Variants in MEAK7 observed in about 807,000 individuals in gnomAD.
The protein encoded by MEAK7 is MTOR associated protein MEAK7.
MEAK7 carries 68 observed loss-of-function variants against 40.5 expected under a neutral mutation model. That is an observed-to-expected ratio of 1.68 (90% CI 1.38 to 2.06). The LOEUF (loss-of-function observed/expected upper bound fraction) is 2.06, where lower values mean the gene tolerates loss of function less well. Ranked by LOEUF, MEAK7 falls within the 30% of genes most tolerant of loss-of-function variation. The pLI is 0.00. For missense variants in MEAK7, 918 were observed against 580.5 expected, an observed-to-expected ratio of 1.58 and a Z score of -5.98; for synonymous variants, 338 against 231.9, an observed-to-expected ratio of 1.46 and a Z score of -4.16.
chr16:84,497,782 A>G, intron 2 of MEAK7, 152 bp downstream of exon 2: 2 of 1,315,772 alleles, frequency 1.5e-6, no homozygotes, highest in Non-Finnish European at 2.1e-6. Flanking sequence ...CAAAGCCAAA[A>G]CTAGGTCACA....
At position 84,489,404 on chromosome 16, in the gene MEAK7, C is replaced by A; in HGVS notation, c.403G>T (p.Gly135Cys). ...EVQKFTEDLV[G>C]SVVHVLSHRQ... is the part of the protein sequence containing the mutation. ...TGGCTTAGCACGTGCACCACAGAGC[C>A]AACCAGATCCTCTGTAAACTGTAAG... Residue 135 changes from glycine (G) to cysteine (C), a missense_variant, in exon 4 of 8, where the codon GGC becomes TGC. Transcript: ENST00000343629. 1 of 1,612,272 alleles carries A rather than the reference C, an allele frequency of 6.2e-7. No homozygotes were observed. The highest frequency in any genetic ancestry group is 8.5e-7 in the Non-Finnish European group (1 of 1,179,104).
rs187392742 is a variant in MEAK7 at position 84,489,983 on chromosome 16, T to G, written c.385-561A>C. ...AGCCTGGGCCCCACTCCTAGGAAAGTAGATGAATTGGGGTTTTGTCTTAAA... is the reference window on the plus strand; with the variant it reads ...AGCCTGGGCCCCACTCCTAGGAAAGGAGATGAATTGGGGTTTTGTCTTAAA... On this transcript the variant is annotated intron_variant, in intron 3 of 7. Transcript: ENST00000343629. 2.6e-5 allele frequency among the ~76,000 whole-genome samples: 4 copies of G among 152,286 alleles called. No individual in the cohort carries two copies. The East Asian group carries it at 7.7e-4, about 29-fold the overall frequency.
chr16:84,503,234 G>C (rs142184707), intron 1 of MEAK7, among the ~76,000 whole-genome samples: 2 of 152,206 alleles, frequency 1.3e-5, no homozygotes, highest in East Asian at 3.9e-4. Context: ...TTTTAAGAAA[G>C]CTTATGAATT....
chr16:84,476,717 G>A lies in MEAK7; in HGVS notation c.*3196C>T, dbSNP rs990169788. On this transcript the variant is annotated 3_prime_UTR_variant, in exon 8 of 8. Coordinates refer to ENST00000343629, the MANE Select transcript of MEAK7 (RefSeq NM_020947.4). ...ACCTCCCTTTAAAAAAGAAAGCGAG[G>A]GACACATCAGTGTGTAAAAGACAGT... The A allele has an allele frequency of 6.6e-6, 1 of 152,050 alleles. No homozygotes were observed. The highest frequency in any genetic ancestry group is 1.5e-5 in the Non-Finnish European group (1 of 68,034). The allele number at this position is 152,050 out of a possible 1,614,324, so 9.4% of individuals were successfully genotyped here. A position where few individuals can be genotyped will look rare whatever the true frequency, so the allele number is the denominator to read the frequency against.
intron 7 of MEAK7, among the ~76,000 whole-genome samples, chr16:84,480,317 C>A (rs1175664754): frequency 2.0e-5 from 3 of 152,158 alleles, no homozygotes; most frequent in African/African-American, 7.2e-5. Context: ...GGGAACCCCC[C>A]TTCCCAGGGC....
intron 1 of MEAK7, among the ~76,000 whole-genome samples, chr16:84,503,135 G>C (rs1479923413): frequency 6.6e-6 from 1 of 152,136 alleles, no homozygotes; most frequent in Admixed American, 6.5e-5. Flanking sequence ...GGCCACACTG[G>C]AAGAACTGTC....
Position 84,486,889 on chromosome 16 carries a change from G to T in MEAK7, c.700C>A (p.Arg234Ser), listed in dbSNP as rs201558915. 1 of 1,614,038 alleles carries T rather than the reference G, an allele frequency of 6.2e-7. No homozygotes were observed. The highest frequency in any genetic ancestry group is 8.5e-7 in the Non-Finnish European group (1 of 1,180,034). The change falls in exon 5 of 8, where the codon CGT (arginine) becomes AGT (serine). Residue 234 changes from arginine to serine, a missense_variant. Transcript: ENST00000343629. ...AAACCCCTGCCCTGGTCCACTTGAC[G>T]CTCAGGGACCAGGGTAGTCAGATCA... ...SLDLTTLVPE[R>S]QVDQGRGFES...
At chr16:84,482,752 G>A (rs764544605) in intron 5 of MEAK7, 42 bp from the exon 6 acceptor site, 8 of 1,610,522 alleles carry the variant, frequency 5.0e-6, no homozygotes, top group East Asian at 4.5e-5. Context: ...GTCGGTGTCT[G>A]AGCCGGTCCC....
At position 84,478,676 on chromosome 16, in the gene MEAK7, C is replaced by CT. The variant is rs748271142; in HGVS notation, c.*1236dup. On this transcript the variant is annotated 3_prime_UTR_variant, in exon 8 of 8. Transcript: ENST00000343629. ...CAGCTCTGCTGACCCCACAACCCAC[C>CT]TACACGATCTTCAGCATTTCAGGAT... 2.6e-5 allele frequency: 4 copies of CT among 152,226 alleles called. No homozygotes were observed. Among genetic ancestry groups the CT allele is most frequent in the Non-Finnish European group, 5.9e-5 (4 of 68,052 alleles). The allele number at this position is 152,226 out of a possible 1,614,324, so 9.4% of individuals were successfully genotyped here.
At chr16:84,490,653 G>GGTGT (rs571630201) in intron 3 of MEAK7, among the ~76,000 whole-genome samples, 3,236 of 104,440 alleles carry the variant, frequency 0.031, 199 homozygotes, top group East Asian at 0.22. Context: ...AGCTAATCAA[G>GGTGT]ATGTGTGTGT....
chr16:84,486,524 T>C (rs1342538553), intron 5 of MEAK7, 107 bp downstream of exon 5: 4 of 1,477,198 alleles, frequency 2.7e-6, no homozygotes, highest in African/African-American at 1.4e-5. Context: ...AGAGAAACAC[T>C]TGGAGAAGAT....
At chr16:84,496,951 G>C (rs1914100644) in intron 2 of MEAK7, 1 of 160,018 alleles carries the variant, frequency 6.2e-6, no homozygotes, top group African/African-American at 2.4e-5. Flanking sequence ...TCTACGTTAG[G>C]GGTTTCCAAA....
intron 3 of MEAK7, chr16:84,494,948 G>C (rs1054480012): frequency 5.0e-6 from 2 of 399,430 alleles, no homozygotes; most frequent in Admixed American, 3.3e-5. Context: ...TTGTTCCTAA[G>C]CAGACAGCTA....
At chr16:84,482,779 C>A in intron 5 of MEAK7, 69 bp from the exon 6 acceptor site, 3 of 1,590,568 alleles carry the variant, frequency 1.9e-6, no homozygotes, top group East Asian at 2.3e-5. Context: ...CCGGAAATGC[C>A]GGTAAGCTGC....
At chr16:84,491,008 T>A (rs7200590) in intron 3 of MEAK7, among the ~76,000 whole-genome samples, 5,008 of 152,280 alleles carry the variant, frequency 0.033, 295 homozygotes, top group African/African-American at 0.11. Context: ...CTGATTTTTG[T>A]CTAAAAAAGT....
intron 5 of MEAK7, 123 bp downstream of exon 5, chr16:84,486,508 G>T: frequency 4.1e-6 from 6 of 1,454,944 alleles, no homozygotes; most frequent in Non-Finnish European, 5.4e-6. Context: ...CGCCCCGACT[G>T]CGTCTAGAGA....
intron 1 of MEAK7, among the ~76,000 whole-genome samples, chr16:84,499,455 C>A (rs778591546): frequency 6.6e-6 from 1 of 152,184 alleles, no homozygotes; most frequent in Non-Finnish European, 1.5e-5. Flanking sequence ...GAGTCATGGT[C>A]CGCACCAAGC....
intron 5 of MEAK7, among the ~76,000 whole-genome samples, chr16:84,483,819 T>G (rs544314576): frequency 6.6e-6 from 1 of 152,162 alleles, no homozygotes; most frequent in Non-Finnish European, 1.5e-5. Context: ...AGGGATCCCA[T>G]GAGGACAAGG....
chr16:84,483,855 G>T (rs1436428167), intron 5 of MEAK7, among the ~76,000 whole-genome samples: 1 of 152,178 alleles, frequency 6.6e-6, no homozygotes, highest in Non-Finnish European at 1.5e-5. Context: ...GAACAGTGGG[G>T]CTTGAGAGCA....
Sources: gnomAD v4.1 joint callset for allele counts (sites outside exome capture counted in the v4.1 genomes callset) on GRCh38, gnomAD v4.1.1 for gene constraint, MANE v1.5 for transcripts, NCBI Gene and HGNC (gene_info 2026-07-23, HGNC 2026-07-21) for gene names.